Variants in NCALD observed in about 807,000 individuals in gnomAD.
NCALD encodes the protein neurocalcin-delta.
A neutral mutation model predicts 18.6 loss-of-function variants in NCALD; 10 were observed. That is an observed-to-expected ratio of 0.54 (90% CI 0.33 to 0.91). The LOEUF is 0.91. NCALD is among the 40% of genes least tolerant of loss of function. The pLI is 0.03. For missense variants in NCALD, 184 were observed against 247.6 expected (o/e 0.74, Z 1.72); for synonymous variants, 88 against 87.4 (o/e 1.01, Z -0.04).
At chr8:101,914,966 T>A (rs1417278987) in intron 3 of NCALD, among the ~76,000 whole-genome samples, 1 of 152,188 alleles carries the variant, frequency 6.6e-6, no homozygotes, top group Non-Finnish European at 1.5e-5. Context: ...AAATATGGGA[T>A]CTTGGAATGT....
intron 4 of NCALD, among the ~76,000 whole-genome samples, chr8:101,876,409 C>G (rs1407740555): frequency 1.3e-5 from 2 of 152,208 alleles, no homozygotes; most frequent in Non-Finnish European, 2.9e-5. Context: ...AACAAATAGC[C>G]TGAACAGTAT....
chr8:101,936,706 G>A (rs1486857860), intron 2 of NCALD, among the ~76,000 whole-genome samples: 2 of 152,092 alleles, frequency 1.3e-5, no homozygotes, highest in South Asian at 2.1e-4. Context: ...TTGCTTGTTT[G>A]TTTGTTTACC....
chr8:102,064,979 G>A (rs553397717), intron 1 of NCALD, among the ~76,000 whole-genome samples: 3 of 123,748 alleles, frequency 2.4e-5, no homozygotes, highest in Non-Finnish European at 3.2e-5. Context: ...CTACAATAGA[G>A]TACGAGATTT....
chr8:101,841,991 G>A (rs559069747), intron 4 of NCALD, among the ~76,000 whole-genome samples: 1 of 152,258 alleles, frequency 6.6e-6, no homozygotes, highest in South Asian at 2.1e-4. Context: ...CACACTAAGT[G>A]GCTAAAGCAA....
chr8:101,834,601 T>G (rs2080940751), intron 4 of NCALD, among the ~76,000 whole-genome samples: 1 of 152,212 alleles, frequency 6.6e-6, no homozygotes, highest in Non-Finnish European at 1.5e-5. Flanking sequence ...ACCTGACCAA[T>G]GTGGTAAAGG....
chr8:101,856,061 C>T (rs1815307011), intron 4 of NCALD, among the ~76,000 whole-genome samples: 1 of 152,170 alleles, frequency 6.6e-6, no homozygotes, highest in Admixed American at 6.5e-5. Context: ...TCCCTGGAGG[C>T]AGCTTTGGAA....
chr8:102,046,627 C>T (rs1358299968), intron 1 of NCALD, among the ~76,000 whole-genome samples: 2 of 152,108 alleles, frequency 1.3e-5, no homozygotes, highest in African/African-American at 4.8e-5. Flanking sequence ...GCCTCAGTCT[C>T]TCAAGTAGCT....
intron 1 of NCALD, among the ~76,000 whole-genome samples, chr8:102,120,060 T>A (rs1825900064): frequency 6.6e-6 from 1 of 152,222 alleles, no homozygotes; most frequent in South Asian, 2.1e-4. Context: ...CACAAGTAAT[T>A]CTACTAAGTG....
intron 1 of NCALD, among the ~76,000 whole-genome samples, chr8:102,068,272 C>T (rs1439509386): frequency 1.3e-5 from 2 of 152,180 alleles, no homozygotes; most frequent in Non-Finnish European, 2.9e-5. Flanking sequence ...CCCAGTGCAC[C>T]TGGAAAAAAT....
chr8:101,807,015 C>A (rs1316500603), intron 4 of NCALD, among the ~76,000 whole-genome samples: 1 of 151,958 alleles, frequency 6.6e-6, no homozygotes, highest in African/African-American at 2.4e-5. Context: ...ATTTAAAGTG[C>A]TGAAAGAAGA....
intron 4 of NCALD, among the ~76,000 whole-genome samples, chr8:101,830,505 C>T (rs764889927): frequency 6.6e-6 from 1 of 150,792 alleles, no homozygotes; most frequent in Non-Finnish European, 1.5e-5. Context: ...AGGCTGCACG[C>T]ACCACTGCAC....
chr8:102,069,194 C>T (rs1278720447), intron 1 of NCALD, among the ~76,000 whole-genome samples: 1 of 54,946 alleles, frequency 1.8e-5, no homozygotes, highest in Non-Finnish European at 3.2e-5. Flanking sequence ...AATGTTCTCA[C>T]CACAAAAAAA....
At chr8:101,942,079 G>A (rs1187402962) in intron 2 of NCALD, among the ~76,000 whole-genome samples, 1 of 152,190 alleles carries the variant, frequency 6.6e-6, no homozygotes, top group Non-Finnish European at 1.5e-5. Flanking sequence ...TTAAAGTGAA[G>A]TGAAAAGGAG....
intron 1 of NCALD, among the ~76,000 whole-genome samples, chr8:101,780,208 G>C (rs564849756): frequency 6.6e-6 from 1 of 152,234 alleles, no homozygotes; most frequent in East Asian, 1.9e-4. Context: ...ACTAGGACTA[G>C]AAAGTCTCCC....
At chr8:101,871,824 G>T (rs758391987) in intron 4 of NCALD, 13 of 445,714 alleles carry the variant, frequency 2.9e-5, no homozygotes, top group Non-Finnish European at 3.6e-5. Context: ...GATAGCAGCT[G>T]CAGCCTCAGT....
At chr8:101,908,720 A>G (rs1817692641) in intron 3 of NCALD, among the ~76,000 whole-genome samples, 1 of 152,200 alleles carries the variant, frequency 6.6e-6, no homozygotes, top group Admixed American at 6.5e-5. Flanking sequence ...TGAGGACCAC[A>G]TAGTCCAATG....
At chr8:102,116,869 C>T (rs553166916) in intron 1 of NCALD, among the ~76,000 whole-genome samples, 33 of 152,270 alleles carry the variant, frequency 2.2e-4, no homozygotes, top group African/African-American at 7.9e-4. Flanking sequence ...AGGGTCTTTG[C>T]AGATGTCATA....
At chr8:101,795,927 C>A (rs570471239), upstream of NCALD, among the ~76,000 whole-genome samples, 1 of 152,156 alleles carries the variant, frequency 6.6e-6, no homozygotes, top group East Asian at 1.9e-4. Flanking sequence ...AATTCCTAAA[C>A]GGCATAAGAC....
chr8:101,701,718 A>G (rs992485232), intron 2 of NCALD, among the ~76,000 whole-genome samples: 1 of 152,146 alleles, frequency 6.6e-6, no homozygotes, highest in Non-Finnish European at 1.5e-5. Context: ...AGGAAACCAG[A>G]TATTTCATCA....
Sources: gnomAD v4.1 joint callset for allele counts (sites outside exome capture counted in the v4.1 genomes callset) on GRCh38, gnomAD v4.1.1 for gene constraint, MANE v1.5 for transcripts, NCBI Gene and HGNC (gene_info 2026-07-23, HGNC 2026-07-21) for gene names.